The following MAST4 variants were observed in gnomAD, a reference collection of about 807,000 sequenced individuals.
MAST4 encodes microtubule-associated serine/threonine-protein kinase 4.
A neutral mutation model predicts 162.7 loss-of-function variants in MAST4; 89 were observed. The observed-to-expected ratio is 0.55, with a 90% confidence interval of 0.46 to 0.65. The LOEUF is 0.65. Among genes scored for constraint, MAST4 ranks in the 30% least tolerant of loss-of-function variants. MAST4 has a pLI of 0.00. For synonymous variants in MAST4, 1,479 were observed against 1,361.1 expected (o/e 1.09, Z -1.91); for missense variants, 3,153 against 3,374.0 (o/e 0.93, Z 1.62).
At chr5:66,747,327 T>A (rs565052146) in intron 1 of MAST4, among the ~76,000 whole-genome samples, 2 of 152,328 alleles carry the variant, frequency 1.3e-5, no homozygotes, top group South Asian at 4.1e-4. Context: ...TATTTTGGGA[T>A]GTTTCTGAAA....
At chr5:67,118,552 C>A in intron 12 of MAST4, 130 bp from the exon 13 acceptor site, 1 of 610,420 alleles carries the variant, frequency 1.6e-6, no homozygotes. Flanking sequence ...TAAGATTTTC[C>A]CATGGGCACA....
At chr5:66,765,685 A>T (rs1266853854) in intron 2 of MAST4, among the ~76,000 whole-genome samples, 1 of 152,174 alleles carries the variant, frequency 6.6e-6, no homozygotes, top group African/African-American at 2.4e-5. Flanking sequence ...AGTAATATGT[A>T]TTCAATGTAG....
intron 1 of MAST4, among the ~76,000 whole-genome samples, chr5:66,726,126 G>A (rs1330712277): frequency 2.0e-5 from 3 of 152,016 alleles, no homozygotes; most frequent in Non-Finnish European, 2.9e-5. Flanking sequence ...GAAAGGGGTG[G>A]GGAGGCAATG....
At chr5:67,132,413 GT>G (rs200060931) in intron 16 of MAST4, among the ~76,000 whole-genome samples, 1 of 150,686 alleles carries the variant, frequency 6.6e-6, no homozygotes, top group East Asian at 1.9e-4. Context: ...ATTTTTTTAA[GT>G]TTTTTTTTCA....
At chr5:66,645,130 T>G (rs1656808293) in intron 1 of MAST4, among the ~76,000 whole-genome samples, 1 of 152,080 alleles carries the variant, frequency 6.6e-6, no homozygotes, top group Non-Finnish European at 1.5e-5. Flanking sequence ...TTAATCCACA[T>G]GATGTCACCT....
intron 1 of MAST4, among the ~76,000 whole-genome samples, chr5:66,691,316 A>G (rs758373321): frequency 1.1e-4 from 17 of 152,196 alleles, no homozygotes; most frequent in Non-Finnish European, 2.1e-4. Context: ...TTAATTTTAA[A>G]TTACTACTTT....
chr5:67,066,218 T>G (rs1760211574), intron 5 of MAST4, among the ~76,000 whole-genome samples: 1 of 151,976 alleles, frequency 6.6e-6, no homozygotes, highest in East Asian at 1.9e-4. Context: ...TTGGAAAATA[T>G]AAGAACAAAG....
Position 67,164,124 on chromosome 5 carries a change from C to T in MAST4, c.4945C>T (p.Leu1649Phe), listed in dbSNP as rs1773575159. 6.3e-7 allele frequency: 1 copy of T among 1,598,926 alleles called. No individual in the cohort carries two copies. Among genetic ancestry groups the T allele is most frequent in the African/African-American group, 1.3e-5 (1 of 74,716 alleles). ...APAPGTLQDGLCHSLDRGISG... is the reference protein window; with the variant it reads ...APAPGTLQDGFCHSLDRGISG... ...CGCTCCTGGCACCCTCCAGGATGGT[C>T]TCTGCCACTCCCTCGACAGGGGCAT... The change falls in exon 29 of 29, where the codon CTC (leucine) becomes TTC (phenylalanine). Residue 1649 changes from leucine (L) to phenylalanine (F), a missense_variant. Coordinates refer to ENST00000403625, the MANE Select transcript of MAST4 (RefSeq NM_001164664.2). This position sits in a 1 kb window ranked among gnomAD's most constrained non-coding sequence, Gnocchi z 5.3.
intron 19 of MAST4, 69 bp from the exon 20 acceptor site, chr5:67,142,046 T>C: frequency 1.3e-6 from 2 of 1,495,078 alleles, no homozygotes; most frequent in East Asian, 2.3e-5. Flanking sequence ...TGTTAAAAAC[T>C]GATGTTTGCC....
intron 19 of MAST4, among the ~76,000 whole-genome samples, chr5:67,138,422 G>T (rs1478917986): frequency 2.0e-5 from 3 of 151,928 alleles, no homozygotes; most frequent in African/African-American, 7.3e-5. Context: ...TTGGTTGGTG[G>T]GTGGGTGGGG....
chr5:66,870,504 T>G (rs191915916), intron 3 of MAST4, among the ~76,000 whole-genome samples: 1 of 152,228 alleles, frequency 6.6e-6, no homozygotes, highest in Non-Finnish European at 1.5e-5. Context: ...AAAATGTAGA[T>G]TTGATGGGAA....
At chr5:66,822,488 A>G (rs1418497609) in intron 3 of MAST4, among the ~76,000 whole-genome samples, 1 of 152,216 alleles carries the variant, frequency 6.6e-6, no homozygotes, top group African/African-American at 2.4e-5. Flanking sequence ...TGTTATATTT[A>G]GGACTGTATA....
chr5:67,005,985 T>A (rs115717610), intron 4 of MAST4, among the ~76,000 whole-genome samples: 42 of 152,368 alleles, frequency 2.8e-4, no homozygotes, highest in African/African-American at 9.9e-4. Context: ...ACAATCTCTA[T>A]GCTTCAGTGT....
intron 1 of MAST4, among the ~76,000 whole-genome samples, chr5:66,602,036 G>A (rs183120420): frequency 1.1e-4 from 16 of 152,136 alleles, no homozygotes; most frequent in South Asian, 4.1e-4. Flanking sequence ...TATGAAATAC[G>A]TGTGAAATAC....
chr5:66,801,116 T>A (rs1040010099), intron 3 of MAST4, among the ~76,000 whole-genome samples: 3 of 152,184 alleles, frequency 2.0e-5, no homozygotes, highest in Non-Finnish European at 1.5e-5. Flanking sequence ...TAAAAACATT[T>A]TTTAGTAAGC....
chr5:66,645,121 T>C (rs2149440400), intron 1 of MAST4, among the ~76,000 whole-genome samples: 1 of 152,208 alleles, frequency 6.6e-6, no homozygotes, highest in African/African-American at 2.4e-5. Flanking sequence ...ACTGGGTCTT[T>C]AATCCACATG....
At chr5:67,042,769 A>G (rs1212677966) in intron 4 of MAST4, among the ~76,000 whole-genome samples, 1 of 152,246 alleles carries the variant, frequency 6.6e-6, no homozygotes, top group Non-Finnish European at 1.5e-5. Context: ...ATTTTGCAAG[A>G]TACTGAATTA....
intron 3 of MAST4, among the ~76,000 whole-genome samples, chr5:66,829,331 A>T (rs1757444087): frequency 6.6e-6 from 1 of 152,132 alleles, no homozygotes; most frequent in African/African-American, 2.4e-5. Flanking sequence ...GCTGCTGGGA[A>T]TTTTCCCCGT....
intron 1 of MAST4, among the ~76,000 whole-genome samples, chr5:66,671,023 G>A (rs1216183314): frequency 3.3e-5 from 5 of 152,060 alleles, no homozygotes; most frequent in African/African-American, 9.7e-5. Context: ...ATTTTACCAT[G>A]CATTAGTTTT....
Sources: gnomAD v4.1 joint callset for allele counts (sites outside exome capture counted in the v4.1 genomes callset) on GRCh38, gnomAD v4.1.1 for gene constraint, Gnocchi (gnomAD v3.1) non-coding constraint, MANE v1.5 for transcripts, NCBI Gene and HGNC (gene_info 2026-07-23, HGNC 2026-07-21) for gene names.